The following ERAP1 variants were observed in gnomAD, a reference collection of about 807,000 sequenced individuals.
ERAP1 encodes adipocyte-derived leucine aminopeptidase.
Under a neutral mutation model 103.7 loss-of-function variants are expected in ERAP1, and 86 were observed. The ratio of observed to expected loss-of-function variants is 0.83; its 90% CI spans 0.70 to 0.99. The LOEUF is 0.99. Ranked by LOEUF, ERAP1 falls within the 50% of genes least tolerant of loss-of-function variation. The probability of loss-of-function intolerance (pLI) is 0.00; values close to 1 mark genes in which losing one functional copy is unlikely to be tolerated. For missense variants in ERAP1, 1,009 were observed against 1,128.4 expected, an observed-to-expected ratio of 0.89 and a Z score of 1.52; for synonymous variants, 398 against 402.4, an observed-to-expected ratio of 0.99 and a Z score of 0.13.
At chr5:96,904,457 C>A in the ERAP1 span, among the ~76,000 whole-genome samples, 2 of 152,148 alleles carry the variant, frequency 1.3e-5, no homozygotes, top group Non-Finnish European at 2.9e-5. Flanking sequence ...GACAAAGTTT[C>A]TCGGTACACT....
the ERAP1 span, among the ~76,000 whole-genome samples, chr5:96,875,608 A>T: frequency 3.9e-4 from 60 of 152,286 alleles, no homozygotes; most frequent in African/African-American, 1.3e-3. Flanking sequence ...ACAGAATCAA[A>T]GTAACTAACT....
At chr5:96,794,220 T>TCAC (rs1777081941) in intron 5 of ERAP1, among the ~76,000 whole-genome samples, 1 of 134,144 alleles carries the variant, frequency 7.5e-6, no homozygotes, top group Non-Finnish European at 1.6e-5. Flanking sequence ...TCCCACTCTG[T>TCAC]CACCCATACT....
At chr5:96,884,690 T>G in the ERAP1 span, among the ~76,000 whole-genome samples, 1 of 152,182 alleles carries the variant, frequency 6.6e-6, no homozygotes, top group South Asian at 2.1e-4. Flanking sequence ...CCCAAGTAGC[T>G]GGGATTACAG....
chr5:96,798,971 G>A (rs1777675658), intron 3 of ERAP1, among the ~76,000 whole-genome samples: 5 of 146,638 alleles, frequency 3.4e-5, no homozygotes, highest in Admixed American at 2.1e-4. Flanking sequence ...GAGTTCAAGC[G>A]ACTCTCCTGC....
chr5:96,894,030 C>T, the ERAP1 span, among the ~76,000 whole-genome samples: 1 of 152,184 alleles, frequency 6.6e-6, no homozygotes, highest in Non-Finnish European at 1.5e-5. Context: ...TCCCCTCTGT[C>T]CCTGGCAAAG....
At position 96,793,456 on chromosome 5, in the gene ERAP1, A is replaced by G. The variant is rs751331335; in HGVS notation, c.1132T>C (p.Phe378Leu). ...GACACAAACTCCATAAATTTGGCAA[A>G]TCCTTCATTTAGCCAAAGATCATTC... ...WWNDLWLNEGFAKFMEFVSVS... is the reference protein window; with the variant it reads ...WWNDLWLNEGLAKFMEFVSVS... Residue 378 changes from phenylalanine (F) to leucine (L), a missense_variant, in exon 7 of 19, where the codon TTT (phenylalanine) becomes CTT (leucine). By Grantham distance (22) the Phe-to-Leu change is conservative (BLOSUM62 0). Transcript: ENST00000443439. The G allele has an allele frequency of 1.9e-6, 3 of 1,613,944 alleles. No individual in the cohort carries two copies. Among genetic ancestry groups the G allele is most frequent in the Non-Finnish European group, 2.5e-6 (3 of 1,179,896 alleles).
intron 13 of ERAP1, chr5:96,784,750 C>T (rs1362240092): frequency 6.5e-6 from 1 of 153,454 alleles, no homozygotes; most frequent in Admixed American, 6.5e-5. Flanking sequence ...CTGGTCAAAA[C>T]CATGAGTTCC....
Position 96,775,212 on chromosome 5 carries a change from T to G in ERAP1, c.*1184A>C. 1.0e-6 allele frequency: 1 copy of G among 985,522 alleles called. No individual in the cohort carries two copies. Among genetic ancestry groups the G allele is most frequent in the Non-Finnish European group, 1.2e-6 (1 of 829,922 alleles). The allele number at this position is 985,522 out of a possible 1,614,324, so 61.0% of individuals were successfully genotyped here. ...GCTTTCTATTATTATCATCTATACA[T>G]AAAACCTGAGCAGCAACTGTGTGCT... is the stretch of plus-strand genomic sequence containing the variant. On this transcript the variant is annotated 3_prime_UTR_variant, in exon 19 of 19. Transcript: ENST00000443439.
chr5:96,928,736 C>G, the ERAP1 span, among the ~76,000 whole-genome samples: 1 of 152,136 alleles, frequency 6.6e-6, no homozygotes, highest in Non-Finnish European at 1.5e-5. Context: ...GCAGAGCTCC[C>G]CATCCATGTC....
chr5:96,929,849 CTTTACTTTCCTATATAAGTGCCT>C, the ERAP1 span, among the ~76,000 whole-genome samples: 1 of 151,634 alleles, frequency 6.6e-6, no homozygotes, highest in Admixed American at 6.5e-5. Context: ...ATGGCTCCAT[CTTTACTTTCCTATATAAGTGCCT>C]TAGGGCACTT....
At position 96,783,073 on chromosome 5, in the gene ERAP1, T is replaced by C. The variant is rs1259997160; in HGVS notation, c.2263A>G (p.Lys755Glu). 1 of 1,614,222 alleles carries C rather than the reference T, an allele frequency of 6.2e-7. No individual in the cohort carries two copies. The highest frequency in any genetic ancestry group is 1.1e-5 in the South Asian group (1 of 91,084). The change falls in exon 15 of 19, where the codon AAG (lysine) becomes GAG (glutamate). Residue 755 changes from lysine to glutamate, a missense_variant. Around this residue, in one of 3 missense-constraint regions of ERAP1, gnomAD observed 611 missense variants for 651.7 expected, o/e 0.94. Transcript: ENST00000443439. ...QRAEGYFRKWKESNGNLSLPV... is the reference protein window; with the variant it reads ...QRAEGYFRKWEESNGNLSLPV... Reference sequence around the variant, plus strand: ...GACCTCAAGTTTCCATTGGATTCCTTCCACTTTCTGAAATAGCCTTCTGCC... The same window carrying C: ...GACCTCAAGTTTCCATTGGATTCCTCCCACTTTCTGAAATAGCCTTCTGCC...
At chr5:96,895,256 A>G in the ERAP1 span, 1 of 1,607,878 alleles carries the variant, frequency 6.2e-7, no homozygotes, top group South Asian at 1.1e-5. Flanking sequence ...TGGTTTGGCA[A>G]CCTGGTCACA....
the ERAP1 span, chr5:96,896,222 A>G: frequency 1.9e-6 from 1 of 526,952 alleles, no homozygotes; most frequent in South Asian, 3.3e-5. Context: ...CCCTTTGGCC[A>G]AAGGGGAATA....
the ERAP1 span, among the ~76,000 whole-genome samples, chr5:96,842,119 A>G: frequency 6.6e-6 from 1 of 152,156 alleles, no homozygotes; most frequent in African/African-American, 2.4e-5. Flanking sequence ...CCATTATTTC[A>G]TTCCTTTTTA....
chr5:96,803,305 T>C, intron 2 of ERAP1, 98 bp downstream of exon 2: 1 of 1,325,876 alleles, frequency 7.5e-7, no homozygotes. Context: ...AAGAAAAAGT[T>C]CAACAGCAAA....
At chr5:96,931,188 A>G in the ERAP1 span, among the ~76,000 whole-genome samples, 1 of 145,744 alleles carries the variant, frequency 6.9e-6, no homozygotes, top group Non-Finnish European at 1.5e-5. Context: ...ACAGGATCTC[A>G]CTCTGTTGCC....
chr5:96,771,729 A>T, downstream of ERAP1: 2 of 1,422,360 alleles, frequency 1.4e-6, no homozygotes, highest in Non-Finnish European at 2.0e-6. Flanking sequence ...TTTGTAAATG[A>T]AGACAACTGT....
the ERAP1 span, chr5:96,913,271 T>A: frequency 6.6e-7 from 1 of 1,517,936 alleles, no homozygotes; most frequent in Non-Finnish European, 9.1e-7. Flanking sequence ...AATGTCCATG[T>A]ACATAATACC....
In ERAP1 at chr5:96,775,280, T is replaced by G; in HGVS notation, c.*1116A>C. 1 of 942,104 alleles carries G rather than the reference T, an allele frequency of 1.1e-6. No homozygotes were observed. Among genetic ancestry groups the G allele is most frequent in the Non-Finnish European group, 1.3e-6 (1 of 791,816 alleles). The allele number at this position is 942,104 out of a possible 1,614,324, so 58.4% of individuals were successfully genotyped here. A position where few individuals can be genotyped will look rare whatever the true frequency, so the allele number is the denominator to read the frequency against. On this transcript the variant is annotated 3_prime_UTR_variant, in exon 19 of 19. Transcript: ENST00000443439. ...AGTCTTCACAAAAGAAAGAAAGACTTCAAAGCCAAAGAATGTCCTATTTGC... is the reference window on the plus strand; with the variant it reads ...AGTCTTCACAAAAGAAAGAAAGACTGCAAAGCCAAAGAATGTCCTATTTGC...
Sources: allele counts gnomAD v4.1 joint callset (sites outside exome capture counted in the v4.1 genomes callset), GRCh38; gene constraint gnomAD v4.1.1; regional missense constraint gnomAD v4.1.1; transcripts MANE v1.5; gene names NCBI Gene and HGNC (gene_info 2026-07-23, HGNC 2026-07-21).